The following RGS6 variants were observed in gnomAD, a reference collection of about 807,000 sequenced individuals.
The protein encoded by RGS6 is regulator of G-protein signaling 6.
Under a neutral mutation model 78.5 loss-of-function variants are expected in RGS6, and 30 were observed. The ratio of observed to expected loss-of-function variants is 0.38; its 90% CI spans 0.29 to 0.52. The LOEUF is 0.52. RGS6 is among the 20% of genes least tolerant of loss of function. The probability of loss-of-function intolerance (pLI) is 0.85; values close to 1 mark genes in which losing one functional copy is unlikely to be tolerated. For synonymous variants in RGS6, 206 were observed against 206.0 expected (o/e 1.00, Z 0.00); for missense variants, 495 against 609.7 (o/e 0.81, Z 1.98).
the RGS6 span, among the ~76,000 whole-genome samples, chr14:71,886,902 A>G: frequency 6.6e-6 from 1 of 152,220 alleles, no homozygotes; most frequent in Non-Finnish European, 1.5e-5. Context: ...CTGTAATCCC[A>G]GTACTTTGGG....
At chr14:72,034,762 A>G (rs2091435495) in intron 2 of RGS6, among the ~76,000 whole-genome samples, 1 of 152,222 alleles carries the variant, frequency 6.6e-6, no homozygotes, top group South Asian at 2.1e-4. Context: ...TAAATGTTTG[A>G]TATAATTCTC....
chr14:71,978,299 G>A (rs1436175722), intron 2 of RGS6, among the ~76,000 whole-genome samples: 8 of 124,306 alleles, frequency 6.4e-5, no homozygotes, highest in Non-Finnish European at 1.2e-4. Flanking sequence ...CCAACACTAT[G>A]TTGAATAGGA....
intron 2 of RGS6, among the ~76,000 whole-genome samples, chr14:72,022,243 G>A (rs540085692): frequency 6.6e-6 from 1 of 152,312 alleles, no homozygotes; most frequent in Non-Finnish European, 1.5e-5. Flanking sequence ...GAACATTCAT[G>A]TGCATGTGTG....
At chr14:72,004,873 G>C (rs1477388147) in intron 2 of RGS6, among the ~76,000 whole-genome samples, 2 of 152,138 alleles carry the variant, frequency 1.3e-5, no homozygotes, top group Non-Finnish European at 2.9e-5. Context: ...AAGGCATTCT[G>C]ATCCTCTTGG....
chr14:71,968,199 G>C (rs540443714), intron 2 of RGS6, among the ~76,000 whole-genome samples: 21 of 152,190 alleles, frequency 1.4e-4, no homozygotes, highest in African/African-American at 5.1e-4. Flanking sequence ...TTTGAACCTA[G>C]CTATACATCA....
the RGS6 span, among the ~76,000 whole-genome samples, chr14:71,897,178 G>T: frequency 5.9e-5 from 9 of 152,362 alleles, no homozygotes; most frequent in Admixed American, 5.9e-4. Context: ...GTAGATAATT[G>T]TTTATTGAAT....
chr14:71,907,429 G>A, the RGS6 span, among the ~76,000 whole-genome samples: 65 of 152,280 alleles, frequency 4.3e-4, no homozygotes, highest in Middle Eastern at 3.4e-3. Context: ...GTAGAAGGAA[G>A]AAGTCACTGG....
chr14:72,149,476 T>C (rs530100096), intron 2 of RGS6, among the ~76,000 whole-genome samples: 1 of 152,278 alleles, frequency 6.6e-6, no homozygotes, highest in East Asian at 1.9e-4. Context: ...GTAGAAATTA[T>C]ATTCAATAGA....
intron 2 of RGS6, among the ~76,000 whole-genome samples, chr14:72,014,560 A>G (rs1289733088): frequency 2.6e-5 from 4 of 152,300 alleles, no homozygotes. Flanking sequence ...GTTTAGGGCA[A>G]CATATGGTTT....
At chr14:72,581,853 A>G in the RGS6 span, among the ~76,000 whole-genome samples, 229 of 152,352 alleles carry the variant, frequency 1.5e-3, 2 homozygotes, top group Middle Eastern at 3.4e-3. Flanking sequence ...TTGCTATAAC[A>G]GAATACACAG....
At chr14:72,599,393 C>CTTTTGTTTTTTTT in the RGS6 span, among the ~76,000 whole-genome samples, 1 of 78,228 alleles carries the variant, frequency 1.3e-5, no homozygotes. Context: ...CTTTTCTTTC[C>CTTTTGTTTTTTTT]TTTTTTTTTT....
chr14:72,002,799 A>G (rs2083739768), intron 2 of RGS6, among the ~76,000 whole-genome samples: 1 of 152,162 alleles, frequency 6.6e-6, no homozygotes, highest in African/African-American at 2.4e-5. Context: ...TTTATAAAAA[A>G]GCTTGTTTTG....
intron 2 of RGS6, among the ~76,000 whole-genome samples, chr14:72,077,369 CAT>C (rs2153466604): frequency 6.6e-6 from 1 of 152,150 alleles, no homozygotes; most frequent in South Asian, 2.1e-4. Context: ...AATATTCTCT[CAT>C]GTTTTCTATT....
Position 72,478,348 on chromosome 14 carries a change from A to G in RGS6, c.854+19A>G, listed in dbSNP as rs1434008243. The stretch of plus-strand genomic sequence containing the variant: ...CTGAAAGGTATGTTTTCCTTTAATA[A>G]TATTACTACTTTCTTCTAATTTAAC... On this transcript the variant is annotated intron_variant, in intron 12 of 17. Coordinates refer to ENST00000553525, the MANE Select transcript of RGS6 (RefSeq NM_001204424.2). The G allele has an allele frequency of 6.6e-7, 1 of 1,515,528 alleles. No homozygotes were observed. Among genetic ancestry groups the G allele is most frequent in the African/African-American group, 1.4e-5 (1 of 73,186 alleles). 93.9% of individuals were successfully genotyped at this position (1,515,528 alleles called of 1,614,324 possible). A position where few individuals can be genotyped will look rare whatever the true frequency, so the allele number is the denominator to read the frequency against.
At chr14:71,960,812 C>T (rs994756811) in intron 1 of RGS6, among the ~76,000 whole-genome samples, 1 of 152,230 alleles carries the variant, frequency 6.6e-6, no homozygotes, top group African/African-American at 2.4e-5. Context: ...TGTGCATAGC[C>T]TTGGCTGGAA....
chr14:72,260,522 T>G (rs2057962853), intron 2 of RGS6, among the ~76,000 whole-genome samples: 1 of 152,128 alleles, frequency 6.6e-6, no homozygotes, highest in Non-Finnish European at 1.5e-5. Context: ...AGGAGGAGAT[T>G]GTGGAGGGTT....
Position 72,518,552 on chromosome 14 carries a change from T to C in RGS6, c.1278+15T>C, listed in dbSNP as rs1310060652. On this transcript the variant is annotated intron_variant, in intron 15 of 17. Coordinates refer to ENST00000553525, the MANE Select transcript of RGS6 (RefSeq NM_001204424.2). ...AAGACGCCCAGGTTTGCTTATCTAC[T>C]CAAGTGGTTGTCATAAGGTGTTCAT... The C allele has an allele frequency of 6.2e-7, 1 of 1,612,580 alleles. No individual in the cohort carries two copies. The highest frequency in any genetic ancestry group is 8.5e-7 in the Non-Finnish European group (1 of 1,178,716).
chr14:72,050,111 A>G (rs1245982385), intron 2 of RGS6, among the ~76,000 whole-genome samples: 2 of 152,188 alleles, frequency 1.3e-5, no homozygotes, highest in African/African-American at 2.4e-5. Context: ...AAATTTGCAA[A>G]TGAAGTCCCA....
Position 72,387,345 on chromosome 14 carries a change from G to C in RGS6, c.184+35151G>C, listed in dbSNP as rs376128936. Among the ~76,000 whole-genome samples, 593 of 152,160 alleles carry C rather than the reference G, an allele frequency of 3.9e-3. 9 individuals are homozygous for C. The South Asian group carries it at 0.039, about 10-fold the overall frequency. ...TGGGCGGATCACCAGGTCAGGAGAT[G>C]GAGACCATCCTGGCTAACACAGCAA... On this transcript the variant is annotated intron_variant, in intron 3 of 17. Coordinates refer to ENST00000553525, the MANE Select transcript of RGS6 (RefSeq NM_001204424.2).
Sources: allele counts gnomAD v4.1 joint callset (sites outside exome capture counted in the v4.1 genomes callset), GRCh38; gene constraint gnomAD v4.1.1; transcripts MANE v1.5; gene names NCBI Gene and HGNC (gene_info 2026-07-23, HGNC 2026-07-21).